The following ORC5 variants were observed in gnomAD, a reference collection of about 807,000 sequenced individuals.
ORC5 encodes the protein origin recognition complex subunit 5.
ORC5 carries 39 observed loss-of-function variants against 58.8 expected under a neutral mutation model. That is an observed-to-expected ratio of 0.66 (90% CI 0.51 to 0.87). The LOEUF (loss-of-function observed/expected upper bound fraction) is 0.87. Among genes scored for constraint, ORC5 ranks in the 40% least tolerant of loss-of-function variants. The pLI, the probability that ORC5 is intolerant of heterozygous loss-of-function variation, is 0.00. For missense variants in ORC5, 493 were observed against 506.3 expected (o/e 0.97, Z 0.25); for synonymous variants, 218 against 177.6 (o/e 1.23, Z -1.81).
At chr7:104,204,403 C>A (rs1474288113) in intron 1 of ORC5, among the ~76,000 whole-genome samples, 169 bp from the exon 2 acceptor site, 1 of 152,162 alleles carries the variant, frequency 6.6e-6, no homozygotes, top group Non-Finnish European at 1.5e-5. Flanking sequence ...GAATTCAACT[C>A]TAAGCACTTT....
chr7:104,207,930 A>T lies in ORC5; in HGVS notation c.-26T>A. Reference sequence around the variant, plus strand: ...TCTGGCAGGCACCACCGCAGAGGCCAGTGCAGCCAGCCCACAGGACCCTTG... The same window carrying T: ...TCTGGCAGGCACCACCGCAGAGGCCTGTGCAGCCAGCCCACAGGACCCTTG... On this transcript the variant is annotated 5_prime_UTR_variant, in exon 1 of 14. Transcript: ENST00000297431. 4 of 1,609,214 alleles carry T rather than the reference A, an allele frequency of 2.5e-6. No individual in the cohort carries two copies. Among genetic ancestry groups the T allele is most frequent in the Non-Finnish European group, 3.4e-6 (4 of 1,175,626 alleles).
intron 6 of ORC5, among the ~76,000 whole-genome samples, chr7:104,185,586 C>T (rs1282569273): frequency 6.6e-6 from 1 of 152,154 alleles, no homozygotes; most frequent in Non-Finnish European, 1.5e-5. Context: ...TTGGCACCAT[C>T]TCAGGCATAC....
chr7:104,144,698 A>G (rs796904663), intron 12 of ORC5, among the ~76,000 whole-genome samples: 2 of 152,354 alleles, frequency 1.3e-5, no homozygotes, highest in African/African-American at 4.8e-5. Context: ...CGGAGATTGC[A>G]GTGAGCTGAG....
chr7:104,194,424 T>C (rs1441769297), intron 5 of ORC5, among the ~76,000 whole-genome samples: 1 of 152,036 alleles, frequency 6.6e-6, no homozygotes, highest in Non-Finnish European at 1.5e-5. Context: ...AATCTCTGAA[T>C]CCCAAGTATC....
chr7:104,179,473 C>T (rs149266666), intron 8 of ORC5, among the ~76,000 whole-genome samples: 202 of 151,742 alleles, frequency 1.3e-3, no homozygotes, highest in African/African-American at 4.4e-3. Context: ...GATTAAACTT[C>T]GACATAAATA....
At position 104,146,076 on chromosome 7, in the gene ORC5, G is replaced by A. The variant is rs1487077441; in HGVS notation, c.1150-9183C>T. On this transcript the variant is annotated intron_variant, in intron 12 of 13. Coordinates refer to ENST00000297431, the MANE Select transcript of ORC5 (RefSeq NM_002553.4). ...AAGGAAATAATAAAAGTGAAAGAACGAACAGTGGAAAGAGGAGATTTGTGG... is the reference window on the plus strand; with the variant it reads ...AAGGAAATAATAAAAGTGAAAGAACAAACAGTGGAAAGAGGAGATTTGTGG... Among the ~76,000 whole-genome samples the A allele has an allele frequency of 3.3e-5, 5 of 152,122 alleles. No homozygotes were observed. The South Asian group carries it at 8.3e-4, about 25-fold the overall frequency.
intron 13 of ORC5, among the ~76,000 whole-genome samples, chr7:104,134,275 C>A (rs752939070): frequency 5.3e-5 from 8 of 151,680 alleles, no homozygotes; most frequent in African/African-American, 1.9e-4. Context: ...ATTAGCCAGG[C>A]ATGGTGGTGT....
At chr7:104,168,126 C>T (rs76409797) in intron 9 of ORC5, 7,773 of 348,596 alleles carry the variant, frequency 0.022, 561 homozygotes, top group African/African-American at 0.16. Context: ...CATAAAATTA[C>T]ATTTTATTCC....
intron 12 of ORC5, among the ~76,000 whole-genome samples, chr7:104,147,828 T>C (rs187373376): frequency 6.7e-4 from 102 of 152,306 alleles, no homozygotes; most frequent in African/African-American, 2.4e-3. Flanking sequence ...GTGTTGATGA[T>C]TAGAAAATGG....
In ORC5 at chr7:104,183,931, A is replaced by G. The variant is rs1448433972; in HGVS notation, c.824+12T>C. On this transcript the variant is annotated intron_variant, in intron 8 of 13. Transcript: ENST00000297431. ...ATATAAAAACTAGTATGCATACTAA[A>G]TAGAAAATTACCTTGATATTTCCCT... The G allele has an allele frequency of 6.4e-7, 1 of 1,566,720 alleles. No homozygotes were observed. The highest frequency in any genetic ancestry group is 1.4e-5 in the African/African-American group (1 of 73,838).
chr7:104,199,485 G>A (rs1157601884), intron 3 of ORC5, among the ~76,000 whole-genome samples: 2 of 152,216 alleles, frequency 1.3e-5, no homozygotes, highest in African/African-American at 4.8e-5. Flanking sequence ...GGAGTCAAAG[G>A]AGATCATTTT....
chr7:104,143,842 G>C (rs1798712573), intron 12 of ORC5, among the ~76,000 whole-genome samples: 2 of 152,070 alleles, frequency 1.3e-5, no homozygotes, highest in African/African-American at 4.8e-5. Flanking sequence ...GAACAGGCCG[G>C]GTGCGGTGGC....
rs1348165362 is a variant in ORC5 at position 104,133,571 on chromosome 7, A to C, written c.1262+3210T>G. On this transcript the variant is annotated intron_variant, in intron 13 of 13. Transcript: ENST00000297431. The surrounding 1 kb of genome is among the most constrained non-coding windows in gnomAD (Gnocchi z 4.7). ...TGGAAATGTATTAATATAGCTGGGA[A>C]ACAGCAATAAAGGTCAAGAATATTA... 2.6e-5 allele frequency among the ~76,000 whole-genome samples: 4 copies of C among 152,134 alleles called. No individual in the cohort carries two copies. The highest frequency in any genetic ancestry group is 5.9e-5 in the Non-Finnish European group (4 of 68,034).
In ORC5 at chr7:104,168,540, A is replaced by G. The variant is rs1481870102; in HGVS notation, c.825-15T>C. ...CCCACTGGGAACTGAAAAAAAATAG[A>G]AGAGCAAAAATGAATTAAAAATAAA... On this transcript the variant is annotated splice_polypyrimidine_tract_variant and intron_variant, in intron 8 of 13. Transcript: ENST00000297431. 1.4e-6 allele frequency: 2 copies of G among 1,468,024 alleles called. No homozygotes were observed. The highest frequency in any genetic ancestry group is 1.4e-5 in the African/African-American group (1 of 71,208). The allele number at this position is 1,468,024 out of a possible 1,614,324, so 90.9% of individuals were successfully genotyped here.
chr7:104,166,957 C>T (rs1799117595), intron 9 of ORC5, 73 bp from the exon 10 acceptor site: 1 of 810,908 alleles, frequency 1.2e-6, no homozygotes, highest in Non-Finnish European at 2.1e-6. Context: ...TCTCACTTGA[C>T]TTTTCATTTC....
At chr7:104,135,639 ATTCAGAAGAGAC>A (rs1482745791) in intron 13 of ORC5, among the ~76,000 whole-genome samples, 1 of 152,148 alleles carries the variant, frequency 6.6e-6, no homozygotes, top group East Asian at 1.9e-4. Context: ...AGCATTTTGA[ATTCAGAAGAGAC>A]TTCAGGGAGA....
At chr7:104,150,211 A>G (rs1215993150) in intron 12 of ORC5, among the ~76,000 whole-genome samples, 1 of 152,232 alleles carries the variant, frequency 6.6e-6, no homozygotes, top group African/African-American at 2.4e-5. Context: ...TAACATGCTC[A>G]TTATTTTTAT....
chr7:104,195,347 C>T, intron 4 of ORC5, 93 bp from the exon 5 acceptor site: 3 of 617,020 alleles, frequency 4.9e-6, no homozygotes, highest in Non-Finnish European at 5.5e-6. Flanking sequence ...ATACATCCCC[C>T]CAGAGTTCTA....
At chr7:104,190,487 T>A (rs1584517001) in intron 5 of ORC5, among the ~76,000 whole-genome samples, 1 of 152,172 alleles carries the variant, frequency 6.6e-6, no homozygotes, top group East Asian at 1.9e-4. Context: ...CTACTTCTAT[T>A]ATATCTCAGA....
Sources: gnomAD v4.1 joint callset for allele counts (sites outside exome capture counted in the v4.1 genomes callset) on GRCh38, gnomAD v4.1.1 for gene constraint, Gnocchi (gnomAD v3.1) non-coding constraint, MANE v1.5 for transcripts, NCBI Gene and HGNC (gene_info 2026-07-23, HGNC 2026-07-21) for gene names.